The following HIGD1A variants were observed in gnomAD, a reference collection of about 807,000 sequenced individuals.
HIGD1A encodes HIG1 domain family member 1A, mitochondrial.
HIGD1A carries 8 observed loss-of-function variants against 11.3 expected under a neutral mutation model. The observed-to-expected ratio is 0.71, with a 90% confidence interval of 0.42 to 1.28. HIGD1A has a LOEUF of 1.28. HIGD1A is among the 50% of genes most tolerant of loss of function. The pLI, the probability that HIGD1A is intolerant of heterozygous loss-of-function variation, is 0.01. For synonymous variants in HIGD1A, 32 were observed against 38.4 expected (o/e 0.83, Z 0.62); for missense variants, 107 against 118.8 (o/e 0.90, Z 0.46).
At chr3:42,802,398 TTCCAGAATACCTTA>T (rs1700576931) in intron 1 of HIGD1A, among the ~76,000 whole-genome samples, 1 of 152,220 alleles carries the variant, frequency 6.6e-6, no homozygotes, top group Non-Finnish European at 1.5e-5. Flanking sequence ...CTGTCTGTGA[TTCCAGAATACCTTA>T]TGTGTACATT....
chr3:42,795,648 C>T (rs558567534), intron 1 of HIGD1A, among the ~76,000 whole-genome samples: 2 of 152,008 alleles, frequency 1.3e-5, no homozygotes, highest in Non-Finnish European at 2.9e-5. Context: ...TAAAACTCTA[C>T]CCTCTTTTTA....
intron 2 of HIGD1A, among the ~76,000 whole-genome samples, chr3:42,790,609 G>C (rs1700412436): frequency 1.3e-5 from 2 of 152,178 alleles, no homozygotes; most frequent in Admixed American, 1.3e-4. Context: ...AGCATATCTA[G>C]AGAAATTAAA....
At chr3:42,801,526 A>T (rs1221012177) in intron 1 of HIGD1A, among the ~76,000 whole-genome samples, 1 of 152,236 alleles carries the variant, frequency 6.6e-6, no homozygotes, top group African/African-American at 2.4e-5. Context: ...TCTTGAATAC[A>T]TTTAAAAGTT....
At chr3:42,788,202 G>A (rs903645203) in intron 2 of HIGD1A, among the ~76,000 whole-genome samples, 1 of 152,256 alleles carries the variant, frequency 6.6e-6, no homozygotes, top group South Asian at 2.1e-4. Context: ...ATAAACATAC[G>A]ACATTAGGAA....
chr3:42,796,562 G>C (rs1428920910), intron 1 of HIGD1A, among the ~76,000 whole-genome samples: 1 of 152,006 alleles, frequency 6.6e-6, no homozygotes, highest in Non-Finnish European at 1.5e-5. Flanking sequence ...TTCACCCAAA[G>C]CCAGCTGTGT....
rs965380968 is a variant in HIGD1A at position 42,784,104 on chromosome 3, T to C, written c.*1167A>G. The stretch of plus-strand genomic sequence containing the variant: ...AAAAAAAAAAAAAAATTTATATGGA[T>C]AATCAATAGAACAAAAATTACCCAC... On this transcript the variant is annotated 3_prime_UTR_variant, in exon 4 of 4. Coordinates refer to ENST00000321331, the MANE Select transcript of HIGD1A (RefSeq NM_014056.4). Among the ~76,000 whole-genome samples, 1 of 147,068 alleles carries C rather than the reference T, an allele frequency of 6.8e-6. No homozygotes were observed. Among genetic ancestry groups the C allele is most frequent in the Non-Finnish European group, 1.5e-5 (1 of 66,824 alleles).
At position 42,784,208 on chromosome 3, in the gene HIGD1A, GAAC is replaced by G. The variant is rs749785212; in HGVS notation, c.*1060_*1062del. 9.2e-5 allele frequency: 14 copies of G among 151,894 alleles called. No individual in the cohort carries two copies. The highest frequency in any genetic ancestry group is 6.2e-4 in the South Asian group (3 of 4,832). 9.4% of individuals were successfully genotyped at this position (151,894 alleles called of 1,614,324 possible). On this transcript the variant is annotated 3_prime_UTR_variant, in exon 4 of 4. Transcript: ENST00000321331. ...AAACAGAAAGGAGAACATGATTAGA[GAAC>G]AACAACAAAAAAGACAATTTCCTGA... is the stretch of plus-strand genomic sequence containing the variant.
chr3:42,799,585 T>G (rs1192196053), intron 1 of HIGD1A, among the ~76,000 whole-genome samples: 1 of 151,606 alleles, frequency 6.6e-6, no homozygotes. Context: ...GCCTAACAGC[T>G]GGGATAACAG....
chr3:42,792,197 G>C (rs370976519), intron 2 of HIGD1A, among the ~76,000 whole-genome samples: 14 of 152,090 alleles, frequency 9.2e-5, no homozygotes, highest in African/African-American at 3.4e-4. Flanking sequence ...TATATGGTCA[G>C]AAGAAAAATT....
intron 2 of HIGD1A, among the ~76,000 whole-genome samples, chr3:42,786,364 G>T (rs930055283): frequency 6.6e-6 from 1 of 152,074 alleles, no homozygotes; most frequent in Admixed American, 6.5e-5. Flanking sequence ...AGAAAGTCAG[G>T]ATTATCTTTA....
At chr3:42,787,254 G>C (rs1700362925) in intron 2 of HIGD1A, among the ~76,000 whole-genome samples, 2 of 151,910 alleles carry the variant, frequency 1.3e-5, no homozygotes, top group Admixed American at 6.6e-5. Context: ...ATAACCACCA[G>C]CAAGCAGTGT....
intron 1 of HIGD1A, chr3:42,804,161 C>G (rs775046586): frequency 6.2e-7 from 1 of 1,610,012 alleles, no homozygotes; most frequent in Non-Finnish European, 8.5e-7. Context: ...CTTCCCCGCT[C>G]GGCAACTCAC....
intron 1 of HIGD1A, among the ~76,000 whole-genome samples, chr3:42,799,339 T>C (rs1041803025): frequency 1.3e-5 from 2 of 151,178 alleles, no homozygotes; most frequent in African/African-American, 2.4e-5. Context: ...AACTTCCAGC[T>C]GCACGACTCC....
At chr3:42,788,862 A>G (rs1201528256) in intron 2 of HIGD1A, among the ~76,000 whole-genome samples, 1 of 151,758 alleles carries the variant, frequency 6.6e-6, no homozygotes, top group African/African-American at 2.4e-5. Flanking sequence ...TGGGCGACAG[A>G]GCGGGACTGT....
Position 42,804,034 on chromosome 3 carries a change from A to G in HIGD1A, c.-23+402T>C, listed in dbSNP as rs1225439115. 7 of 897,636 alleles carry G rather than the reference A, an allele frequency of 7.8e-6. No individual in the cohort carries two copies. The African/African-American group carries it at 1.0e-4, about 13-fold the overall frequency. 55.6% of individuals were successfully genotyped at this position (897,636 alleles called of 1,614,324 possible). ...TCCTATCCCGCCTCGCCTGCCGCTT[A>G]GCCCGCTCTTCAGAATGTTCCAAGC... On this transcript the variant is annotated intron_variant, in intron 1 of 3. Coordinates refer to ENST00000321331, the MANE Select transcript of HIGD1A (RefSeq NM_014056.4).
Position 42,786,181 on chromosome 3 carries a change from A to C in HIGD1A, c.98-19T>G. On this transcript the variant is annotated intron_variant, in intron 2 of 3. Transcript: ENST00000321331. ...GCTATTCCTGTAAAACAAAGTAACA[A>C]GTATGTCAGATGCATGAGAAGGGAC... The C allele has an allele frequency of 6.2e-7, 1 of 1,613,798 alleles. No individual in the cohort carries two copies. The highest frequency in any genetic ancestry group is 1.1e-5 in the South Asian group (1 of 91,054).
intron 1 of HIGD1A, among the ~76,000 whole-genome samples, chr3:42,796,453 AAAAG>A (rs1700501335): frequency 6.6e-6 from 1 of 151,912 alleles, no homozygotes; most frequent in Non-Finnish European, 1.5e-5. Context: ...TTTTAAAAAA[AAAAG>A]AGAAATCATG....
Position 42,785,231 on chromosome 3 carries a change from A to G in HIGD1A, c.*40T>C, listed in dbSNP as rs774731315. 2.6e-5 allele frequency: 41 copies of G among 1,548,760 alleles called. No homozygotes were observed. Among genetic ancestry groups the G allele is most frequent in the Non-Finnish European group, 3.4e-5 (39 of 1,132,138 alleles). Reference sequence around the variant, plus strand: ...CTTTAATAATAAGACATCTAACTAAAGCAAGCTCCTCCAACAAGACCAAGA... The same window carrying G: ...CTTTAATAATAAGACATCTAACTAAGGCAAGCTCCTCCAACAAGACCAAGA... On this transcript the variant is annotated 3_prime_UTR_variant, in exon 4 of 4. Coordinates refer to ENST00000321331, the MANE Select transcript of HIGD1A (RefSeq NM_014056.4).
At chr3:42,794,318 G>A in intron 1 of HIGD1A, 43 bp from the exon 2 acceptor site, 1 of 1,506,922 alleles carries the variant, frequency 6.6e-7, no homozygotes, top group South Asian at 1.3e-5. Context: ...AAAAGCATCT[G>A]AACATTATTA....
Sources: gnomAD v4.1 joint callset for allele counts (sites outside exome capture counted in the v4.1 genomes callset) on GRCh38, gnomAD v4.1.1 for gene constraint, MANE v1.5 for transcripts, NCBI Gene and HGNC (gene_info 2026-07-23, HGNC 2026-07-21) for gene names.